Variants in TEKT5 observed in about 807,000 individuals in gnomAD.
The protein encoded by TEKT5 is tektin-5.
TEKT5 carries 52 observed loss-of-function variants against 48.7 expected under a neutral mutation model. The ratio of observed to expected loss-of-function variants is 1.07; its 90% confidence interval spans 0.86 to 1.35. The LOEUF (loss-of-function observed/expected upper bound fraction) is 1.35, where lower values mean the gene tolerates loss of function less well. Among genes scored for constraint, TEKT5 ranks in the 40% most tolerant of loss-of-function variants. The pLI is 0.00. For synonymous variants in TEKT5, 318 were observed against 267.6 expected (o/e 1.19, Z -1.84); for missense variants, 831 against 641.6 (o/e 1.30, Z -3.19).
At chr16:10,651,717 T>G (rs550134616) in intron 5 of TEKT5, among the ~76,000 whole-genome samples, 4 of 152,260 alleles carry the variant, frequency 2.6e-5, no homozygotes, top group African/African-American at 9.6e-5. Flanking sequence ...CCCAGCACTT[T>G]GGGAGGCCGA....
chr16:10,678,098 A>G (rs1284758517), intron 4 of TEKT5, among the ~76,000 whole-genome samples: 1 of 152,134 alleles, frequency 6.6e-6, no homozygotes, highest in Admixed American at 6.5e-5. Flanking sequence ...GCTTTGAGGA[A>G]GGGCATGCAT....
intron 5 of TEKT5, among the ~76,000 whole-genome samples, chr16:10,673,157 G>A (rs1596413962): frequency 6.6e-6 from 1 of 152,182 alleles, no homozygotes; most frequent in Non-Finnish European, 1.5e-5. Context: ...GTCTCAGAAC[G>A]CAGTGGCCAC....
intron 6 of TEKT5, among the ~76,000 whole-genome samples, chr16:10,631,255 C>CA (rs557852936): frequency 0.034 from 2,027 of 60,100 alleles, 32 homozygotes; most frequent in African/African-American, 0.044. Flanking sequence ...GACTCCATCT[C>CA]AAAAAAAAAA....
intron 3 of TEKT5, among the ~76,000 whole-genome samples, chr16:10,685,186 C>G (rs1418183357): frequency 6.6e-6 from 1 of 152,184 alleles, no homozygotes; most frequent in Non-Finnish European, 1.5e-5. Context: ...CTGACCTGCT[C>G]TCATCCTCTT....
At chr16:10,636,393 T>C (rs1279214381) in intron 5 of TEKT5, among the ~76,000 whole-genome samples, 3 of 148,130 alleles carry the variant, frequency 2.0e-5, no homozygotes, top group Non-Finnish European at 4.5e-5. Flanking sequence ...AAAAAAGGGT[T>C]AGAAACCCTG....
intron 5 of TEKT5, among the ~76,000 whole-genome samples, chr16:10,661,057 T>A (rs1111488): frequency 0.31 from 46,508 of 152,056 alleles, 7,249 homozygotes; most frequent in Middle Eastern, 0.48. Flanking sequence ...AGTCTCAATA[T>A]ACAGCTTTAT....
intron 5 of TEKT5, among the ~76,000 whole-genome samples, chr16:10,659,991 T>C (rs930205538): frequency 1.3e-5 from 2 of 152,206 alleles, no homozygotes; most frequent in African/African-American, 4.8e-5. Flanking sequence ...CATTTTTGTC[T>C]CCACCACTCT....
intron 5 of TEKT5, among the ~76,000 whole-genome samples, chr16:10,644,588 TG>T (rs1217262514): frequency 6.6e-6 from 1 of 152,190 alleles, no homozygotes; most frequent in East Asian, 1.9e-4. Flanking sequence ...CCTTTCTTCC[TG>T]GATCTATTTG....
intron 5 of TEKT5, among the ~76,000 whole-genome samples, chr16:10,655,752 G>A (rs570422854): frequency 6.6e-6 from 1 of 152,128 alleles, no homozygotes; most frequent in African/African-American, 2.4e-5. Flanking sequence ...AGATGTGATG[G>A]TGGAGCTCCA....
At chr16:10,690,773 G>A (rs1898958304) in intron 1 of TEKT5, 1 of 985,296 alleles carries the variant, frequency 1.0e-6, no homozygotes, top group South Asian at 4.7e-5. Context: ...ATGATGGGAA[G>A]CTGACAAACA....
chr16:10,649,013 G>C (rs1374551912), intron 5 of TEKT5, among the ~76,000 whole-genome samples: 58 of 151,500 alleles, frequency 3.8e-4, no homozygotes, highest in Admixed American at 3.4e-3. Flanking sequence ...GCAATGGCAT[G>C]ATCATGGCTC....
chr16:10,666,317 CA>C (rs1898455806), intron 5 of TEKT5, among the ~76,000 whole-genome samples: 1 of 152,146 alleles, frequency 6.6e-6, no homozygotes, highest in Non-Finnish European at 1.5e-5. Flanking sequence ...TCTACCTCCT[CA>C]AACCCTCCCC....
chr16:10,679,405 C>T (rs903691157), intron 4 of TEKT5, among the ~76,000 whole-genome samples: 6 of 149,808 alleles, frequency 4.0e-5, no homozygotes, highest in Middle Eastern at 3.6e-3. Context: ...TGCAGTGAGC[C>T]GAGATTGTGC....
At chr16:10,680,894 G>A (rs1898734577) in intron 4 of TEKT5, among the ~76,000 whole-genome samples, 1 of 149,610 alleles carries the variant, frequency 6.7e-6, no homozygotes, top group African/African-American at 2.5e-5. Flanking sequence ...AGCATTAGGA[G>A]ATATACCTAA....
chr16:10,673,345 A>G (rs1898582688), intron 5 of TEKT5, among the ~76,000 whole-genome samples: 1 of 152,110 alleles, frequency 6.6e-6, no homozygotes, highest in Non-Finnish European at 1.5e-5. Context: ...TTTTGTACAG[A>G]TTGTCCACGG....
intron 6 of TEKT5, among the ~76,000 whole-genome samples, chr16:10,634,387 G>A (rs116477730): frequency 3.9e-5 from 6 of 152,132 alleles, no homozygotes; most frequent in African/African-American, 9.7e-5. Context: ...TCAGTATCTT[G>A]TCAAAAGAAG....
At chr16:10,653,934 A>C (rs532061079) in intron 5 of TEKT5, among the ~76,000 whole-genome samples, 4 of 152,186 alleles carry the variant, frequency 2.6e-5, no homozygotes, top group African/African-American at 4.8e-5. Flanking sequence ...CAAAAACAAA[A>C]ACAAAAGAAA....
At position 10,632,869 on chromosome 16, in the gene TEKT5, G is replaced by GACACACACACACAC. The variant is rs35503579; in HGVS notation, c.1241+2881_1241+2894dup. Among the ~76,000 whole-genome samples the GACACACACACACAC allele has an allele frequency of 4.8e-3, 633 of 131,702 alleles. 9 individuals carry two copies. The highest frequency in any genetic ancestry group is 0.024 in the East Asian group (107 of 4,450). The allele number at this position is 131,702 out of a possible 152,430, so 86.4% of individuals were successfully genotyped here. On this transcript the variant is annotated intron_variant, in intron 6 of 6. Transcript: ENST00000283025. ...CCAAAACACAACATACACAGATGCA[G>GACACACACACACAC]ACACACACACACACACACACACACA...
chr16:10,654,039 T>C (rs1286476484), intron 5 of TEKT5, among the ~76,000 whole-genome samples: 2 of 152,148 alleles, frequency 1.3e-5, no homozygotes, highest in South Asian at 4.2e-4. Context: ...TGCACATGTG[T>C]GTGTGTGGTG....
Sources: allele counts gnomAD v4.1 joint callset (sites outside exome capture counted in the v4.1 genomes callset), GRCh38; gene constraint gnomAD v4.1.1; transcripts MANE v1.5; gene names NCBI Gene and HGNC (gene_info 2026-07-23, HGNC 2026-07-21).